Variants in INPP5A observed in about 807,000 individuals in gnomAD.
INPP5A encodes the protein inositol polyphosphate-5-phosphatase A.
In INPP5A, 14 loss-of-function variants were observed where a neutral mutation model predicts 65.2. The observed-to-expected ratio is 0.21, with a 90% CI of 0.14 to 0.34. The LOEUF (loss-of-function observed/expected upper bound fraction) is 0.34, where lower values mean the gene tolerates loss of function less well. INPP5A is among the 10% of genes least tolerant of loss of function. INPP5A has a pLI of 1.00. For synonymous variants in INPP5A, 207 were observed against 208.3 expected, an observed-to-expected ratio of 0.99 and a Z score of 0.05; for missense variants, 431 against 545.6, an observed-to-expected ratio of 0.79 and a Z score of 2.09.
intron 12 of INPP5A, among the ~76,000 whole-genome samples, chr10:132,774,238 G>A (rs993032909): frequency 1.3e-5 from 2 of 152,210 alleles, no homozygotes; most frequent in Non-Finnish European, 2.9e-5. Context: ...ATTGCCAGTG[G>A]TGCCTGCAGG....
At chr10:132,609,847 G>A (rs2071918046) in intron 2 of INPP5A, among the ~76,000 whole-genome samples, 2 of 152,208 alleles carry the variant, frequency 1.3e-5, no homozygotes. Context: ...GTTTCACCAC[G>A]TTGACCAGGC....
At chr10:132,662,673 C>T (rs2072751386) in intron 4 of INPP5A, among the ~76,000 whole-genome samples, 1 of 152,170 alleles carries the variant, frequency 6.6e-6, no homozygotes, top group Admixed American at 6.5e-5. Context: ...GGTAGATCCC[C>T]GCACCTTGGC....
At chr10:132,543,066 C>T (rs1330206274) in intron 1 of INPP5A, among the ~76,000 whole-genome samples, 1 of 152,070 alleles carries the variant, frequency 6.6e-6, no homozygotes, top group Non-Finnish European at 1.5e-5. Flanking sequence ...ATCTCTGTCT[C>T]CCGGAGTGTT....
At chr10:132,738,049 T>C (rs1173587770) in intron 9 of INPP5A, among the ~76,000 whole-genome samples, 1 of 152,260 alleles carries the variant, frequency 6.6e-6, no homozygotes, top group Non-Finnish European at 1.5e-5. Flanking sequence ...TTCTCTGGTC[T>C]ATGCTGGGAC....
rs746716740 is a variant in INPP5A, at chr10:132,690,432, A to G, written c.347A>G (p.Asn116Ser). 5 of 1,612,912 alleles carry G rather than the reference A, an allele frequency of 3.1e-6. No individual in the cohort carries two copies. In the Admixed American group the frequency reaches 8.3e-5, roughly 27 times the overall value. ...SFYFLHESLK[N>S]IYQFDFKAKK... ...TATTTTCTTCATGAGTCCTTAAAAA[A>G]CATCTACCAGTTTGACTTTAAAGGT... is the stretch of plus-strand genomic sequence containing the variant. Residue 116 changes from asparagine (N) to serine (S), a missense_variant, in exon 5 of 16, where the codon AAC (asparagine) becomes AGC (serine). Asn to Ser is a conservative substitution (Grantham distance 46, BLOSUM62 1). Transcript: ENST00000368594.
intron 1 of INPP5A, among the ~76,000 whole-genome samples, chr10:132,583,364 A>C (rs954372362): frequency 6.6e-6 from 1 of 152,050 alleles, no homozygotes; most frequent in Non-Finnish European, 1.5e-5. Context: ...CCATGTGAGC[A>C]CCTTTTTCTC....
In INPP5A at chr10:132,748,178, A is replaced by G. The variant is rs1427163969; in HGVS notation, c.733-1339A>G. Among the ~76,000 whole-genome samples, 9 of 151,790 alleles carry G rather than the reference A, an allele frequency of 5.9e-5. No homozygotes were observed. The South Asian group carries it at 6.2e-4, about 10-fold the overall frequency. On this transcript the variant is annotated intron_variant, in intron 9 of 15. Coordinates refer to ENST00000368594, the MANE Select transcript of INPP5A (RefSeq NM_005539.5). ...TATCCCTCCAGCCCCCGCCCCAGTCAGTTCCCTCCCGGCCCCCGCAGTCTC... is the reference window on the plus strand; with the variant it reads ...TATCCCTCCAGCCCCCGCCCCAGTCGGTTCCCTCCCGGCCCCCGCAGTCTC...
intron 4 of INPP5A, among the ~76,000 whole-genome samples, chr10:132,661,537 TC>T (rs2072737593): frequency 6.6e-6 from 1 of 152,128 alleles, no homozygotes; most frequent in Non-Finnish European, 1.5e-5. Context: ...TTAAATAAGA[TC>T]TAAATAAATG....
At chr10:132,595,193 G>A (rs1365948808) in intron 1 of INPP5A, among the ~76,000 whole-genome samples, 1 of 152,206 alleles carries the variant, frequency 6.6e-6, no homozygotes, top group Non-Finnish European at 1.5e-5. Flanking sequence ...CGGACCCTCA[G>A]GGGCCAGCTG....
At chr10:132,578,262 G>C (rs1226797506) in intron 1 of INPP5A, among the ~76,000 whole-genome samples, 1 of 152,210 alleles carries the variant, frequency 6.6e-6, no homozygotes, top group African/African-American at 2.4e-5. Flanking sequence ...GAAGGTTCAA[G>C]GGTCCAGGCG....
At position 132,596,797 on chromosome 10, in the gene INPP5A, A is replaced by G. The variant is rs73399358; in HGVS notation, c.76-11118A>G. Reference sequence around the variant, plus strand: ...TGTGTTTGTGTGCAGGCTCCTGTACATGTGCGCGTTTGTGTGTGTCCATGT... The same window carrying G: ...TGTGTTTGTGTGCAGGCTCCTGTACGTGTGCGCGTTTGTGTGTGTCCATGT... On this transcript the variant is annotated intron_variant, in intron 1 of 15. Transcript: ENST00000368594. Among the ~76,000 whole-genome samples, 599 of 143,502 alleles carry G rather than the reference A, an allele frequency of 4.2e-3. 3 individuals carry two copies. Among genetic ancestry groups the G allele is most frequent in the African/African-American group, 0.015 (566 of 38,436 alleles). The allele number at this position is 143,502 out of a possible 152,430, so 94.1% of individuals were successfully genotyped here. A position where few individuals can be genotyped will look rare whatever the true frequency, so the allele number is the denominator to read the frequency against.
intron 1 of INPP5A, among the ~76,000 whole-genome samples, chr10:132,594,445 G>T (rs1312296214): frequency 6.6e-6 from 1 of 152,170 alleles, no homozygotes; most frequent in East Asian, 1.9e-4. Flanking sequence ...CAACGGCCTA[G>T]GTGGTTTTTG....
chr10:132,688,600 TGTGTGCAA>T (rs1226561169), intron 4 of INPP5A, among the ~76,000 whole-genome samples: 3 of 152,140 alleles, frequency 2.0e-5, no homozygotes, highest in Non-Finnish European at 2.9e-5. Flanking sequence ...CATGAGTGCG[TGTGTGCAA>T]GTGTGTGAGT....
chr10:132,582,673 G>A (rs939540631), intron 1 of INPP5A, among the ~76,000 whole-genome samples: 1 of 152,152 alleles, frequency 6.6e-6, no homozygotes, highest in African/African-American at 2.4e-5. Context: ...CTCCTGCATC[G>A]AACTCCCAAA....
At chr10:132,647,372 C>T (rs2072511671) in intron 3 of INPP5A, among the ~76,000 whole-genome samples, 1 of 152,158 alleles carries the variant, frequency 6.6e-6, no homozygotes, top group Admixed American at 6.5e-5. Context: ...CCTGCCTTGG[C>T]TTCCCAAAGT....
chr10:132,730,858 G>A (rs933648681), intron 9 of INPP5A, among the ~76,000 whole-genome samples: 9 of 152,196 alleles, frequency 5.9e-5, no homozygotes, highest in African/African-American at 1.7e-4. Flanking sequence ...GGGCAGCCCA[G>A]GAACCCGATT....
intron 1 of INPP5A, among the ~76,000 whole-genome samples, chr10:132,563,696 A>AGAAAG (rs1406826112): frequency 2.6e-5 from 4 of 151,996 alleles, no homozygotes; most frequent in Non-Finnish European, 4.4e-5. Flanking sequence ...AGGAAAGGAG[A>AGAAAG]GAAAGGAAAG....
chr10:132,544,307 GGGCGTCCTCATTTCGGA>G (rs1418626308), intron 1 of INPP5A, among the ~76,000 whole-genome samples: 2 of 152,238 alleles, frequency 1.3e-5, no homozygotes, highest in Non-Finnish European at 2.9e-5. Flanking sequence ...AAGGAGGTTG[GGGCGTCCTCATTTCGGA>G]GGCAGCTGTC....
At chr10:132,745,564 G>A (rs553945365) in intron 9 of INPP5A, among the ~76,000 whole-genome samples, 20 of 152,398 alleles carry the variant, frequency 1.3e-4, no homozygotes, top group South Asian at 8.3e-4. Context: ...TGTCACGGCT[G>A]GCACTGGCCC....
Sources: gnomAD v4.1 joint callset for allele counts (sites outside exome capture counted in the v4.1 genomes callset) on GRCh38, gnomAD v4.1.1 for gene constraint, MANE v1.5 for transcripts, NCBI Gene and HGNC (gene_info 2026-07-23, HGNC 2026-07-21) for gene names.